Variants in ADAMTSL1 observed in about 807,000 individuals in gnomAD.
ADAMTSL1 encodes the protein ADAMTS like 1.
ADAMTSL1 carries 126 observed loss-of-function variants against 201.8 expected under a neutral mutation model. The observed-to-expected ratio is 0.62, with a 90% CI of 0.54 to 0.72. The LOEUF (loss-of-function observed/expected upper bound fraction) is 0.72, where lower values mean the gene tolerates loss of function less well. ADAMTSL1 is among the 30% of genes least tolerant of loss of function. The probability of loss-of-function intolerance (pLI) is 0.00; values close to 1 mark genes in which losing one functional copy is unlikely to be tolerated. For synonymous variants in ADAMTSL1, 1,121 were observed against 903.4 expected (o/e 1.24, Z -4.32); for missense variants, 2,679 against 2,277.8 (o/e 1.18, Z -3.59).
Position 18,788,333 on chromosome 9 carries a change from A to G in ADAMTSL1, c.3678-7064A>G, listed in dbSNP as rs367639096. On this transcript the variant is annotated intron_variant, in intron 19 of 28. Coordinates refer to ENST00000380548, the MANE Select transcript of ADAMTSL1 (RefSeq NM_001040272.6). ...CTAAAATCCAGAATATTTTTTAGTG[A>G]TTGTCTATTTCCCTAAGTAACTACA... 7.9e-5 allele frequency among the ~76,000 whole-genome samples: 12 copies of G among 152,092 alleles called. 3 individuals carry two copies. The highest frequency in any genetic ancestry group is 2.9e-4 in the African/African-American group (12 of 41,486).
intron 2 of ADAMTSL1, among the ~76,000 whole-genome samples, chr9:18,166,506 G>A (rs1236774951): frequency 6.6e-6 from 1 of 151,732 alleles, no homozygotes; most frequent in African/African-American, 2.4e-5. Context: ...AAAATATTTG[G>A]GATTATCTGT....
chr9:18,452,818 A>T (rs1444787938), intron 2 of ADAMTSL1, among the ~76,000 whole-genome samples: 1 of 152,244 alleles, frequency 6.6e-6, no homozygotes, highest in East Asian at 1.9e-4. Flanking sequence ...CCAAGGCCTC[A>T]CGCAGCCTCA....
intron 4 of ADAMTSL1, among the ~76,000 whole-genome samples, chr9:18,595,663 A>G (rs1354874776): frequency 2.0e-5 from 3 of 152,228 alleles, no homozygotes; most frequent in Non-Finnish European, 4.4e-5. Flanking sequence ...ATAGTGCCCC[A>G]GGGCAAATTT....
At chr9:18,320,374 G>A (rs1351478773) in intron 2 of ADAMTSL1, among the ~76,000 whole-genome samples, 3 of 152,162 alleles carry the variant, frequency 2.0e-5, no homozygotes, top group Non-Finnish European at 2.9e-5. Context: ...TTAAAGTCCT[G>A]AGAGAAAAAC....
chr9:17,916,609 C>G (rs752351360), intron 1 of ADAMTSL1, among the ~76,000 whole-genome samples: 1 of 152,142 alleles, frequency 6.6e-6, no homozygotes, highest in African/African-American at 2.4e-5. Context: ...CTTCAAAAAT[C>G]AGTTGTCCAC....
At chr9:17,918,789 T>C (rs948848657) in intron 1 of ADAMTSL1, among the ~76,000 whole-genome samples, 2 of 151,936 alleles carry the variant, frequency 1.3e-5, no homozygotes, top group African/African-American at 2.4e-5. Context: ...ATCTCTATAT[T>C]ACCACTGTAG....
At chr9:18,634,898 A>ACTATAT in intron 5 of ADAMTSL1, among the ~76,000 whole-genome samples, 1 of 127,066 alleles carries the variant, frequency 7.9e-6, no homozygotes, top group Non-Finnish European at 1.6e-5. Context: ...TATGTATGTA[A>ACTATAT]ATATATATTT....
At chr9:18,202,815 C>T (rs1021134620) in intron 2 of ADAMTSL1, among the ~76,000 whole-genome samples, 1 of 152,064 alleles carries the variant, frequency 6.6e-6, no homozygotes, top group African/African-American at 2.4e-5. Context: ...TAGACACAAC[C>T]TTAGGTTGAG....
chr9:18,367,637 T>C (rs537209435), intron 2 of ADAMTSL1, among the ~76,000 whole-genome samples: 2 of 152,168 alleles, frequency 1.3e-5, no homozygotes, highest in African/African-American at 4.8e-5. Flanking sequence ...ACTTTACATA[T>C]TCTAATTCAA....
At chr9:17,989,553 A>G (rs1819066089) in intron 1 of ADAMTSL1, among the ~76,000 whole-genome samples, 1 of 152,056 alleles carries the variant, frequency 6.6e-6, no homozygotes. Context: ...ATTTATTTCA[A>G]AAGCAGAATT....
intron 1 of ADAMTSL1, among the ~76,000 whole-genome samples, chr9:18,158,721 C>G (rs1827260648): frequency 6.6e-6 from 1 of 151,594 alleles, no homozygotes; most frequent in Non-Finnish European, 1.5e-5. Context: ...GGGAGTATGC[C>G]CATTTCTGAC....
chr9:17,953,683 A>G (rs1394710176), intron 1 of ADAMTSL1, among the ~76,000 whole-genome samples: 5 of 152,222 alleles, frequency 3.3e-5, no homozygotes, highest in Non-Finnish European at 2.9e-5. Flanking sequence ...AAAGCTCAGA[A>G]TCATACATGG....
intron 9 of ADAMTSL1, 147 bp from the exon 10 acceptor site, chr9:18,675,710 A>C: frequency 1.4e-6 from 1 of 700,682 alleles, no homozygotes. Context: ...GCATAAAGAT[A>C]TAAAACTGTT....
intron 15 of ADAMTSL1, among the ~76,000 whole-genome samples, chr9:18,750,842 C>T (rs1227602211): frequency 1.3e-5 from 2 of 152,220 alleles, no homozygotes; most frequent in African/African-American, 2.4e-5. Flanking sequence ...AGGTAGCTCG[C>T]TCACATGGCT....
chr9:18,801,566 TC>T, intron 20 of ADAMTSL1, among the ~76,000 whole-genome samples: 1 of 152,264 alleles, frequency 6.6e-6, no homozygotes, highest in East Asian at 1.9e-4. Context: ...GGTCTGTTGT[TC>T]CCCCTTCTTC....
intron 2 of ADAMTSL1, among the ~76,000 whole-genome samples, chr9:18,438,894 A>G (rs928686968): frequency 6.6e-6 from 1 of 151,998 alleles, no homozygotes; most frequent in East Asian, 1.9e-4. Flanking sequence ...AGGCACATGC[A>G]GCCTCGATTC....
intron 13 of ADAMTSL1, among the ~76,000 whole-genome samples, chr9:18,687,339 C>T (rs1367673370): frequency 6.6e-6 from 1 of 152,080 alleles, no homozygotes; most frequent in Non-Finnish European, 1.5e-5. Flanking sequence ...TATGTAACAA[C>T]CTATAATTAC....
chr9:18,522,032 C>G (rs374744625), intron 2 of ADAMTSL1, among the ~76,000 whole-genome samples: 3 of 152,178 alleles, frequency 2.0e-5, no homozygotes, highest in Non-Finnish European at 4.4e-5. Flanking sequence ...GAGCTTTACA[C>G]ACAGGGTCCA....
At chr9:18,533,338 C>G in intron 3 of ADAMTSL1, 46 bp downstream of exon 3, 1 of 1,542,882 alleles carries the variant, frequency 6.5e-7, no homozygotes, top group Non-Finnish European at 8.9e-7. Context: ...TTTGTTAGCA[C>G]TGAATGGTGC....
Sources: allele counts gnomAD v4.1 joint callset (sites outside exome capture counted in the v4.1 genomes callset), GRCh38; gene constraint gnomAD v4.1.1; transcripts MANE v1.5; gene names NCBI Gene and HGNC (gene_info 2026-07-23, HGNC 2026-07-21).